Variants in STK17B observed in about 807,000 individuals in gnomAD.
STK17B encodes the protein serine/threonine kinase 17b.
A neutral mutation model predicts 42.0 loss-of-function variants in STK17B; 21 were observed. The ratio of observed to expected loss-of-function variants is 0.50; its 90% CI spans 0.35 to 0.72. The LOEUF (loss-of-function observed/expected upper bound fraction) is 0.72. Ranked by LOEUF, STK17B falls within the 30% of genes least tolerant of loss-of-function variation. STK17B has a pLI of 0.00. For synonymous variants in STK17B, 143 were observed against 148.4 expected (o/e 0.96, Z 0.26); for missense variants, 349 against 446.0 (o/e 0.78, Z 1.96).
At chr2:196,157,352 A>G (rs1699753731) in intron 2 of STK17B, among the ~76,000 whole-genome samples, 1 of 152,182 alleles carries the variant, frequency 6.6e-6, no homozygotes, top group Non-Finnish European at 1.5e-5. Flanking sequence ...GTCTATTTCC[A>G]AAAACTGTAC....
At chr2:196,160,722 T>A (rs1017469460) in intron 2 of STK17B, among the ~76,000 whole-genome samples, 5 of 152,156 alleles carry the variant, frequency 3.3e-5, no homozygotes, top group Non-Finnish European at 7.4e-5. Flanking sequence ...TTAGCCCATA[T>A]CAATTCAAAA....
intron 2 of STK17B, among the ~76,000 whole-genome samples, chr2:196,158,578 T>C (rs931300096): frequency 6.6e-5 from 10 of 152,338 alleles, no homozygotes; most frequent in Admixed American, 6.5e-4. Context: ...ATAAATTTTA[T>C]ACTGGATAAA....
chr2:196,137,508 C>A lies in STK17B; in HGVS notation c.1058G>T (p.Arg353Ile), dbSNP rs939941689. ...IPEDSSMVSKRFRFDDSLPNP... is the reference protein window; with the variant it reads ...IPEDSSMVSKIFRFDDSLPNP... ...GGGTAATGAGTCATCGAAACGAAAT[C>A]TTTTGGAAACCATGCTGCTATCCTC... The change falls in exon 8 of 8, where the codon AGA (arginine) becomes ATA (isoleucine). Residue 353 changes from arginine (R) to isoleucine (I), a missense_variant. Coordinates refer to ENST00000263955, the MANE Select transcript of STK17B (RefSeq NM_004226.4). 1.9e-6 allele frequency: 3 copies of A among 1,614,114 alleles called. No individual in the cohort carries two copies. Among genetic ancestry groups the A allele is most frequent in the East Asian group, 2.2e-5 (1 of 44,864 alleles).
chr2:196,147,115 AT>A (rs1559410563), intron 3 of STK17B, among the ~76,000 whole-genome samples: 1 of 152,198 alleles, frequency 6.6e-6, no homozygotes, highest in Non-Finnish European at 1.5e-5. Flanking sequence ...TTTAGGAGGG[AT>A]TAAATCTAAA....
At chr2:196,161,124 A>G (rs1237565549) in intron 2 of STK17B, among the ~76,000 whole-genome samples, 1 of 152,172 alleles carries the variant, frequency 6.6e-6, no homozygotes, top group Non-Finnish European at 1.5e-5. Flanking sequence ...CCCATCGCTG[A>G]AGCATTCAAA....
At chr2:196,167,769 T>A (rs186403370) in intron 1 of STK17B, among the ~76,000 whole-genome samples, 3 of 152,342 alleles carry the variant, frequency 2.0e-5, no homozygotes, top group Admixed American at 2.0e-4. Flanking sequence ...TTCAGGTAAG[T>A]GTCCTATCAA....
At position 196,137,570 on chromosome 2, in the gene STK17B, T is replaced by G; in HGVS notation, c.996A>C (p.Gly332=). 1 of 1,614,140 alleles carries G rather than the reference T, an allele frequency of 6.2e-7. No homozygotes were observed. Among genetic ancestry groups the G allele is most frequent in the Non-Finnish European group, 8.5e-7 (1 of 1,180,004 alleles). ...EDKTSKSSCN[G]TCGDREDKEN... ...CTTTGTCTTCTCTATCACCACAGGT[T>G]CCATTACAGGAGGATTTAGAAGTCT... The change falls in exon 8 of 8, where the codon GGA becomes GGC. Residue 332 remains glycine, a synonymous_variant. Coordinates refer to ENST00000263955, the MANE Select transcript of STK17B (RefSeq NM_004226.4).
At chr2:196,156,263 T>C in intron 3 of STK17B, 176 bp downstream of exon 3, 1 of 539,640 alleles carries the variant, frequency 1.9e-6, no homozygotes, top group Non-Finnish European at 3.2e-6. Flanking sequence ...TTTGTGTATG[T>C]GCCCGAGGCT....
chr2:196,162,594 G>A (rs1345042795), intron 2 of STK17B, among the ~76,000 whole-genome samples: 3 of 151,952 alleles, frequency 2.0e-5, no homozygotes, highest in South Asian at 2.1e-4. Context: ...ATGAGGAAAC[G>A]ACAGCACTAA....
rs1037972132 is a variant in STK17B at position 196,144,250 on chromosome 2, G to A, written c.481-564C>T. Among the ~76,000 whole-genome samples, 152 of 151,828 alleles carry A rather than the reference G, an allele frequency of 1.0e-3. 1 individual carries two copies. The highest frequency in any genetic ancestry group is 3.7e-4 in the Non-Finnish European group (25 of 67,920). On this transcript the variant is annotated intron_variant, in intron 4 of 7. Transcript: ENST00000263955. ...TCACGCCTGTAATCCCAGGACTTTG[G>A]GAGGCTGAGGTAGGCAGATCACGAG...
upstream of STK17B, chr2:196,171,594 G>C (rs1460352945): frequency 1.3e-5 from 2 of 152,158 alleles, no homozygotes; most frequent in Non-Finnish European, 1.5e-5. Context: ...CTGCAGCCGC[G>C]TCTGGGGCAT....
intron 3 of STK17B, among the ~76,000 whole-genome samples, chr2:196,146,969 C>G (rs10182983): frequency 6.6e-6 from 1 of 151,884 alleles, no homozygotes; most frequent in African/African-American, 2.4e-5. Context: ...GAAAAAGGCA[C>G]AGTGAAAAAT....
intron 2 of STK17B, among the ~76,000 whole-genome samples, chr2:196,161,493 G>C (rs938518491): frequency 6.8e-6 from 1 of 146,828 alleles, no homozygotes; most frequent in African/African-American, 2.5e-5. Context: ...CTTGGTCAGT[G>C]AGGTAGATAT....
upstream of STK17B, among the ~76,000 whole-genome samples, chr2:196,175,835 A>G (rs1009136210): frequency 6.6e-6 from 1 of 152,212 alleles, no homozygotes; most frequent in Non-Finnish European, 1.5e-5. Flanking sequence ...TGCTAGAGAC[A>G]ATCAGAGCAG....
intron 2 of STK17B, among the ~76,000 whole-genome samples, chr2:196,157,136 A>G (rs1699750547): frequency 6.8e-6 from 1 of 146,298 alleles, no homozygotes. Flanking sequence ...TGGGTGACAG[A>G]GTGAGACTGT....
chr2:196,151,649 G>A (rs1326527789), intron 3 of STK17B: 1 of 152,126 alleles, frequency 6.6e-6, no homozygotes. Context: ...TTTTTAATAT[G>A]TATAGCTATA....
intron 1 of STK17B, among the ~76,000 whole-genome samples, chr2:196,170,542 C>T (rs1176100438): frequency 6.6e-6 from 1 of 152,194 alleles, no homozygotes; most frequent in Non-Finnish European, 1.5e-5. Flanking sequence ...CTACCAGCTG[C>T]TATAAAGCCT....
chr2:196,176,249 C>T (rs1699996060), upstream of STK17B: 1 of 152,246 alleles, frequency 6.6e-6, no homozygotes, highest in Non-Finnish European at 1.5e-5. Flanking sequence ...TGCTTCCTCT[C>T]CTTGGAGCCA....
intron 2 of STK17B, among the ~76,000 whole-genome samples, chr2:196,158,183 G>C (rs1699763185): frequency 6.6e-6 from 1 of 152,104 alleles, no homozygotes; most frequent in African/African-American, 2.4e-5. Flanking sequence ...TCTTAGCATG[G>C]AAAACAAAAC....
Sources: allele counts gnomAD v4.1 joint callset (sites outside exome capture counted in the v4.1 genomes callset), GRCh38; gene constraint gnomAD v4.1.1; transcripts MANE v1.5; gene names NCBI Gene and HGNC (gene_info 2026-07-23, HGNC 2026-07-21).